The following NALF1 variants were observed in gnomAD, a reference collection of about 807,000 sequenced individuals.
The protein encoded by NALF1 is family with sequence similarity 155 member A.
Under a neutral mutation model 48.4 loss-of-function variants are expected in NALF1, and 3 were observed. The observed-to-expected ratio is 0.06, with a 90% confidence interval of 0.03 to 0.16. The LOEUF (loss-of-function observed/expected upper bound fraction) is 0.16. NALF1 is among the 10% of genes least tolerant of loss of function. The pLI is 1.00. For synonymous variants in NALF1, 262 were observed against 245.7 expected, an observed-to-expected ratio of 1.07 and a Z score of -0.62; for missense variants, 526 against 571.5, an observed-to-expected ratio of 0.92 and a Z score of 0.81.
intron 1 of NALF1, among the ~76,000 whole-genome samples, chr13:107,347,202 A>G (rs1882788848): frequency 6.6e-6 from 1 of 152,194 alleles, no homozygotes. Flanking sequence ...TCTTTTCCAA[A>G]GATCCTCAAG....
At chr13:107,355,965 A>C (rs1325101481) in intron 1 of NALF1, among the ~76,000 whole-genome samples, 1 of 152,202 alleles carries the variant, frequency 6.6e-6, no homozygotes, top group African/African-American at 2.4e-5. Context: ...CTGGCCCCTA[A>C]AAAATTCAAA....
chr13:107,644,605 GA>G (rs1880254091), intron 1 of NALF1, among the ~76,000 whole-genome samples: 1 of 134,202 alleles, frequency 7.5e-6, no homozygotes, highest in Admixed American at 7.9e-5. Flanking sequence ...CTTTAAAAAA[GA>G]CATTTAGAGT....
intron 1 of NALF1, among the ~76,000 whole-genome samples, chr13:107,655,415 AAAAAT>A (rs1247160769): frequency 3.9e-5 from 6 of 152,250 alleles, no homozygotes; most frequent in South Asian, 2.1e-4. Context: ...AATAGCTGCA[AAAAAT>A]AAAATAAAGT....
intron 1 of NALF1, among the ~76,000 whole-genome samples, chr13:107,381,557 G>GCCC (rs148831290): frequency 0.019 from 2,836 of 151,636 alleles, 34 homozygotes; most frequent in South Asian, 0.053. Context: ...CCTACGCACC[G>GCCC]CCCCACCACC....
chr13:107,168,765 T>A lies in NALF1; in HGVS notation c.*1732A>T, dbSNP rs978676902. The stretch of plus-strand genomic sequence containing the variant: ...GCATACTGTACGCATGTCGCAGGGT[T>A]AAGTATGATGCAGAGGTTAAAGTCT... On this transcript the variant is annotated 3_prime_UTR_variant, in exon 3 of 3. Coordinates refer to ENST00000375915, the MANE Select transcript of NALF1 (RefSeq NM_001080396.3). 6.6e-6 allele frequency: 1 copy of A among 152,610 alleles called. No homozygotes were observed. Among genetic ancestry groups the A allele is most frequent in the Non-Finnish European group, 1.5e-5 (1 of 68,030 alleles). The allele number at this position is 152,610 out of a possible 1,614,324, so 9.5% of individuals were successfully genotyped here.
chr13:107,386,859 AGGGT>A (rs757755523), intron 1 of NALF1, among the ~76,000 whole-genome samples: 2,700 of 152,282 alleles, frequency 0.018, 38 homozygotes, highest in Middle Eastern at 0.041. Context: ...TTCCAGGAAA[AGGGT>A]GAGAACAAAG....
chr13:107,237,176 GA>G (rs1880370739), intron 1 of NALF1, among the ~76,000 whole-genome samples: 1 of 150,630 alleles, frequency 6.6e-6, no homozygotes, highest in Non-Finnish European at 1.5e-5. Flanking sequence ...AAATAATTTA[GA>G]CTAGAAACTT....
At chr13:107,782,102 G>A (rs947262702) in intron 1 of NALF1, among the ~76,000 whole-genome samples, 3 of 152,148 alleles carry the variant, frequency 2.0e-5, no homozygotes, top group Admixed American at 6.5e-5. Context: ...CTCTGATGCC[G>A]AGCCGAAGCT....
At chr13:107,262,722 G>T (rs1423791214) in intron 1 of NALF1, among the ~76,000 whole-genome samples, 2 of 151,080 alleles carry the variant, frequency 1.3e-5, no homozygotes, top group Non-Finnish European at 2.9e-5. Flanking sequence ...TATTATCAGG[G>T]TGAAAGACAT....
chr13:107,349,271 T>A (rs1273407302), intron 1 of NALF1, among the ~76,000 whole-genome samples: 1 of 152,166 alleles, frequency 6.6e-6, no homozygotes, highest in Admixed American at 6.5e-5. Flanking sequence ...CACAAGCATG[T>A]CAAAAGGACT....
intron 1 of NALF1, among the ~76,000 whole-genome samples, chr13:107,830,102 C>A (rs1879669270): frequency 6.6e-6 from 1 of 152,244 alleles, no homozygotes; most frequent in African/African-American, 2.4e-5. Flanking sequence ...ACACTGAGAA[C>A]AATTCGGCCC....
intron 1 of NALF1, among the ~76,000 whole-genome samples, chr13:107,805,665 T>C (rs1166758218): frequency 6.6e-6 from 1 of 152,184 alleles, no homozygotes; most frequent in Non-Finnish European, 1.5e-5. Flanking sequence ...AATTGAGAAA[T>C]GGGATGCTTT....
intron 2 of NALF1, among the ~76,000 whole-genome samples, chr13:107,181,480 TGTTTTGTTTTA>T (rs1261543765): frequency 1.3e-5 from 2 of 151,796 alleles, no homozygotes; most frequent in African/African-American, 4.8e-5. Context: ...TTTTTTGCTG[TGTTTTGTTTTA>T]GTTTTGTTTG....
At chr13:107,617,574 G>C (rs1414703469) in intron 1 of NALF1, among the ~76,000 whole-genome samples, 1 of 152,100 alleles carries the variant, frequency 6.6e-6, no homozygotes, top group Non-Finnish European at 1.5e-5. Context: ...AATGGTGAAG[G>C]ACCCATGAGA....
chr13:107,378,187 G>A (rs926877343), intron 1 of NALF1, among the ~76,000 whole-genome samples: 2 of 152,104 alleles, frequency 1.3e-5, no homozygotes, highest in Non-Finnish European at 2.9e-5. Flanking sequence ...TCTGTATGAT[G>A]CTAGAGAGAA....
At chr13:107,510,240 C>CCCAATT (rs1156342945) in intron 1 of NALF1, among the ~76,000 whole-genome samples, 2 of 152,162 alleles carry the variant, frequency 1.3e-5, no homozygotes, top group Non-Finnish European at 2.9e-5. Context: ...TGTTTTCACA[C>CCCAATT]CCAATTCCTC....
chr13:107,462,026 T>C (rs1274633220), intron 1 of NALF1, among the ~76,000 whole-genome samples: 1 of 152,204 alleles, frequency 6.6e-6, no homozygotes, highest in Non-Finnish European at 1.5e-5. Context: ...GTTACATATT[T>C]TCCTTGGCTT....
At chr13:107,692,417 C>T (rs1594210333) in intron 1 of NALF1, among the ~76,000 whole-genome samples, 1 of 152,092 alleles carries the variant, frequency 6.6e-6, no homozygotes, top group South Asian at 2.1e-4. Context: ...TACAGATACA[C>T]AATGTAGCCA....
chr13:107,670,832 A>C (rs1435318191), intron 1 of NALF1, among the ~76,000 whole-genome samples: 2 of 152,176 alleles, frequency 1.3e-5, no homozygotes, highest in Non-Finnish European at 2.9e-5. Flanking sequence ...AGTAATACCC[A>C]GTGCTGGTAG....
Sources: allele counts gnomAD v4.1 joint callset (sites outside exome capture counted in the v4.1 genomes callset), GRCh38; gene constraint gnomAD v4.1.1; transcripts MANE v1.5; gene names NCBI Gene and HGNC (gene_info 2026-07-23, HGNC 2026-07-21).